The following TLE2 variants were observed in gnomAD, a reference collection of about 807,000 sequenced individuals.
TLE2 encodes the protein transducin-like enhancer protein 2.
TLE2 carries 74 observed loss-of-function variants against 97.2 expected under a neutral mutation model. That is an observed-to-expected ratio of 0.76 (90% CI 0.63 to 0.92). The LOEUF (loss-of-function observed/expected upper bound fraction) is 0.92. Ranked by LOEUF, TLE2 falls within the 40% of genes least tolerant of loss-of-function variation. The pLI is 0.00. For synonymous variants in TLE2, 499 were observed against 432.1 expected (o/e 1.15, Z -1.92); for missense variants, 1,038 against 1,008.7 (o/e 1.03, Z -0.39).
chr19:3,019,327 G>A lies in TLE2; in HGVS notation c.506C>T (p.Ala169Val), dbSNP rs1285806143. 5.1e-6 allele frequency: 8 copies of A among 1,573,218 alleles called. No homozygotes were observed. The highest frequency in any genetic ancestry group is 3.5e-5 in the South Asian group (3 of 86,618). ...CACGCCCGCACGGTCCTCCTTGACA[G>A]CCGCCGCCAGCTGAGCCTGGGCAGC... ...ALAAQAQLAA[A>V]VKEDRAGVEA... Residue 169 changes from alanine (A) to valine (V), a missense_variant, in exon 7 of 20, where the codon GCT becomes GTT. By Grantham distance (64) the Ala-to-Val change is moderately conservative. Transcript: ENST00000262953. The surrounding 1 kb of genome is among the most constrained non-coding windows in gnomAD (Gnocchi z 5.1).
At chr19:3,009,989 A>G (rs1189456408) in intron 12 of TLE2, among the ~76,000 whole-genome samples, 1 of 151,634 alleles carries the variant, frequency 6.6e-6, no homozygotes, top group Non-Finnish European at 1.5e-5. Context: ...GGTTCAAGCA[A>G]TTCTGCTGCC....
chr19:2,997,984 C>A, intron 19 of TLE2, 29 bp from the exon 20 acceptor site: 2 of 1,530,276 alleles, frequency 1.3e-6, no homozygotes, highest in Non-Finnish European at 1.8e-6. Context: ...GAGAAAAGGG[C>A]ACAGTGAGGC....
In TLE2 at chr19:3,017,573, C is replaced by T. The variant is rs2089738974; in HGVS notation, c.570+267G>A. Among the ~76,000 whole-genome samples the T allele has an allele frequency of 2.0e-5, 3 of 151,772 alleles. No individual in the cohort carries two copies. In the South Asian group the frequency reaches 6.2e-4, roughly 32 times the overall value. On this transcript the variant is annotated intron_variant, in intron 8 of 19. Transcript: ENST00000262953. ...TCAAGTGATCCTCCCACCTCAGGCTCCCGAGTAGCTGACACAACAGGCATG... is the reference window on the plus strand; with the variant it reads ...TCAAGTGATCCTCCCACCTCAGGCTTCCGAGTAGCTGACACAACAGGCATG...
intron 17 of TLE2, 87 bp downstream of exon 17, chr19:3,005,350 C>G: frequency 6.6e-7 from 1 of 1,521,258 alleles, no homozygotes. Flanking sequence ...TCCTGTCCTG[C>G]CTCTGGAAGT....
In TLE2 at chr19:3,029,035, G is replaced by C; in HGVS notation, c.-131C>G. ...AGAGGGAGGAGGGAGAAGCGGCGCG[G>C]GGCAAGGGACCCTGGAGTCCCTGGC... On this transcript the variant is annotated 5_prime_UTR_variant, in exon 1 of 20. Coordinates refer to ENST00000262953, the MANE Select transcript of TLE2 (RefSeq NM_003260.5). The C allele has an allele frequency of 2.7e-6, 4 of 1,480,500 alleles. No homozygotes were observed. The highest frequency in any genetic ancestry group is 1.4e-5 in the South Asian group (1 of 72,708). 91.7% of individuals were successfully genotyped at this position (1,480,500 alleles called of 1,614,324 possible). A position where few individuals can be genotyped will look rare whatever the true frequency, so the allele number is the denominator to read the frequency against.
rs2089644745 is a variant in TLE2, at chr19:3,013,762, G to A, written c.780C>T (p.Ile260=). Residue 260 remains isoleucine, a synonymous_variant, in exon 11 of 20, where the codon ATC becomes ATT. Coordinates refer to ENST00000262953, the MANE Select transcript of TLE2 (RefSeq NM_003260.5). Reference sequence around the variant, plus strand: ...CCAGGTCCCGACGGGCAGGAATGCAGATGGGTACCTTTCCGCAGGGGGTGG... The same window carrying A: ...CCAGGTCCCGACGGGCAGGAATGCAAATGGGTACCTTTCCGCAGGGGGTGG... ...PATTPCGKVP[I]CIPARRDLVD... is the part of the protein sequence containing the mutation. 3.2e-6 allele frequency: 5 copies of A among 1,563,046 alleles called. No individual in the cohort carries two copies. Among genetic ancestry groups the A allele is most frequent in the Non-Finnish European group, 4.3e-6 (5 of 1,157,142 alleles).
At chr19:3,015,548 G>T in intron 9 of TLE2, 105 bp downstream of exon 9, 2 of 867,358 alleles carry the variant, frequency 2.3e-6, no homozygotes. Flanking sequence ...GGGAGGCTCC[G>T]GAGTGAGAGA....
At chr19:3,023,651 C>T (rs1245626018) in intron 5 of TLE2, among the ~76,000 whole-genome samples, 3 of 151,982 alleles carry the variant, frequency 2.0e-5, no homozygotes, top group Non-Finnish European at 4.4e-5. Context: ...ACCCAACACT[C>T]GGAGCCTGAC....
intron 14 of TLE2, among the ~76,000 whole-genome samples, chr19:3,007,342 G>A (rs759587136): frequency 1.9e-4 from 29 of 151,896 alleles, no homozygotes; most frequent in African/African-American, 6.3e-4. Context: ...CTCCCACCTC[G>A]GCCTCCCAAA....
chr19:2,999,230 T>C (rs1450459334), intron 19 of TLE2, among the ~76,000 whole-genome samples: 1 of 151,604 alleles, frequency 6.6e-6, no homozygotes, highest in East Asian at 2.0e-4. Flanking sequence ...TGCAGTGAGC[T>C]GAGATTGCGC....
intron 3 of TLE2, 65 bp from the exon 4 acceptor site, chr19:3,027,938 A>G: frequency 6.7e-7 from 1 of 1,499,454 alleles, no homozygotes; most frequent in Non-Finnish European, 9.1e-7. Flanking sequence ...CAGATAGGTG[A>G]TGCCAGGGTC....
rs1304046843 is a variant in TLE2, at chr19:3,006,566, G to A, written c.1354C>T (p.His452Tyr). The A allele has an allele frequency of 6.2e-7, 1 of 1,602,856 alleles. No individual in the cohort carries two copies. ...AGIPRHARQL[H>Y]TLAHGEVVCA... ...ACCACCTCGCCATGGGCCAGCGTGTGCAGCTGCCGGGCGTGCCGCGGGATG... is the reference window on the plus strand; with the variant it reads ...ACCACCTCGCCATGGGCCAGCGTGTACAGCTGCCGGGCGTGCCGCGGGATG... The change falls in exon 15 of 20, where the codon CAC (histidine) becomes TAC (tyrosine). Residue 452 changes from histidine (H) to tyrosine (Y), a missense_variant. Transcript: ENST00000262953.
intron 18 of TLE2, among the ~76,000 whole-genome samples, chr19:3,001,782 CTT>C (rs888604716): frequency 2.3e-5 from 3 of 132,208 alleles, no homozygotes; most frequent in African/African-American, 5.8e-5. Flanking sequence ...GCTTAAATTT[CTT>C]TTCTTTCTTT....
Position 3,017,837 on chromosome 19 carries a change from T to TA in TLE2, c.570+2dup. The TA allele has an allele frequency of 6.2e-7, 1 of 1,611,996 alleles. No individual in the cohort carries two copies. Among genetic ancestry groups the TA allele is most frequent in the Non-Finnish European group, 8.5e-7 (1 of 1,179,022 alleles). On this transcript the variant is annotated splice_region_variant and intron_variant, in intron 8 of 19. Coordinates refer to ENST00000262953, the MANE Select transcript of TLE2 (RefSeq NM_003260.5). ...AAAGAGTCCCAGGGTGCCACTCACTTACCCTGCTCGGGGCTCTCTCCACTG... is the reference window on the plus strand; with the variant it reads ...AAAGAGTCCCAGGGTGCCACTCACTTAACCCTGCTCGGGGCTCTCTCCACTG...
intron 14 of TLE2, among the ~76,000 whole-genome samples, chr19:3,008,318 AAC>A (rs2089517671): frequency 6.6e-6 from 1 of 152,176 alleles, no homozygotes; most frequent in South Asian, 2.1e-4. Context: ...CCAGGCCAGG[AAC>A]GTCTCCTCCC....
rs763600128 is a variant in TLE2 at position 3,006,616 on chromosome 19, G to A, written c.1304C>T (p.Pro435Leu). ...GCCCGCGCCTACCAGTGCATCCGAG[G>A]GGAAGGGAACCGGCTGCATCTGCCC... ...ADGQMQPVPF[P>L]SDALVGAGIP... Residue 435 changes from proline (P) to leucine (L), a missense_variant, in exon 15 of 20, where the codon CCC (proline) becomes CTC (leucine). Physicochemically the swap from Pro to Leu is moderately conservative, Grantham distance 98. Transcript: ENST00000262953. 1 of 1,611,090 alleles carries A rather than the reference G, an allele frequency of 6.2e-7. No homozygotes were observed.
Position 3,028,917 on chromosome 19 carries a change from A to G in TLE2, c.-13T>C, listed in dbSNP as rs960755488. On this transcript the variant is annotated 5_prime_UTR_variant, in exon 1 of 20. Coordinates refer to ENST00000262953, the MANE Select transcript of TLE2 (RefSeq NM_003260.5). ...CCTGGGGGTACATCCTGCCGATCCG[A>G]AAAGCCCCCCAGGCGCCACCAGAGC... The G allele has an allele frequency of 3.1e-6, 5 of 1,609,386 alleles. No individual in the cohort carries two copies. In the African/African-American group the frequency reaches 6.7e-5, roughly 22 times the overall value.
At chr19:3,043,498 T>C (rs1344069355) in intron 1 of TLE2, among the ~76,000 whole-genome samples, 1 of 151,194 alleles carries the variant, frequency 6.6e-6, no homozygotes, top group East Asian at 1.9e-4. Flanking sequence ...GCTTTTAATA[T>C]CAGAAAACAT....
At chr19:3,012,022 A>T (rs1182745944) in intron 11 of TLE2, among the ~76,000 whole-genome samples, 1 of 152,032 alleles carries the variant, frequency 6.6e-6, no homozygotes, top group Non-Finnish European at 1.5e-5. Context: ...AGGTGGGCGG[A>T]TCACCTGAGA....
Sources: gnomAD v4.1 joint callset for allele counts (sites outside exome capture counted in the v4.1 genomes callset) on GRCh38, gnomAD v4.1.1 for gene constraint, Gnocchi (gnomAD v3.1) non-coding constraint, MANE v1.5 for transcripts, NCBI Gene and HGNC (gene_info 2026-07-23, HGNC 2026-07-21) for gene names.